The following TNIK variants were observed in gnomAD, a reference collection of about 807,000 sequenced individuals.
The protein encoded by TNIK is TRAF2 and NCK-interacting protein kinase.
In TNIK, 49 loss-of-function variants were observed where a neutral mutation model predicts 191.3. That is an observed-to-expected ratio of 0.26 (90% CI 0.20 to 0.32). The LOEUF (loss-of-function observed/expected upper bound fraction) is 0.32. Ranked by LOEUF, TNIK falls within the 10% of genes least tolerant of loss-of-function variation. The pLI is 1.00. For synonymous variants in TNIK, 594 were observed against 600.9 expected, an observed-to-expected ratio of 0.99 and a Z score of 0.17; for missense variants, 1,155 against 1,702.3, an observed-to-expected ratio of 0.68 and a Z score of 5.66.
At chr3:171,136,093 T>C (rs753073122) in intron 15 of TNIK, among the ~76,000 whole-genome samples, 14 of 152,168 alleles carry the variant, frequency 9.2e-5, no homozygotes, top group Non-Finnish European at 1.6e-4. Context: ...CTGGTACATT[T>C]GTGCATGAGG....
chr3:171,059,199 T>G lies in TNIK; in HGVS notation c.*4682A>C, dbSNP rs1249447454. 1.3e-5 allele frequency among the ~76,000 whole-genome samples: 2 copies of G among 152,220 alleles called. No individual in the cohort carries two copies. The highest frequency in any genetic ancestry group is 4.1e-4 in the South Asian group (2 of 4,834). On this transcript the variant is annotated 3_prime_UTR_variant, in exon 33 of 33. Coordinates refer to ENST00000436636, the MANE Select transcript of TNIK (RefSeq NM_015028.4). ...CACAAACTCAAAAATCTGTAAACTT[T>G]AGGACATTTTTATTTTTAACTGTAT...
intron 1 of TNIK, among the ~76,000 whole-genome samples, chr3:171,403,224 A>G (rs1721175114): frequency 3.9e-5 from 6 of 152,220 alleles, no homozygotes; most frequent in Admixed American, 3.9e-4. Flanking sequence ...GTGGCTAAAT[A>G]CGTTAAAGAG....
At chr3:171,204,596 CA>C (rs1213670657) in intron 4 of TNIK, among the ~76,000 whole-genome samples, 1 of 152,154 alleles carries the variant, frequency 6.6e-6, no homozygotes, top group African/African-American at 2.4e-5. Flanking sequence ...ATGACCTTTG[CA>C]ATTATTTGAT....
intron 2 of TNIK, among the ~76,000 whole-genome samples, chr3:171,252,081 CGT>C (rs1056985992): frequency 2.0e-5 from 3 of 150,236 alleles, no homozygotes; most frequent in Admixed American, 6.6e-5. Context: ...TGTGTGTGTG[CGT>C]GTGTGTGTGT....
chr3:171,423,137 T>C (rs1724047483), intron 1 of TNIK, among the ~76,000 whole-genome samples: 1 of 152,200 alleles, frequency 6.6e-6, no homozygotes, highest in African/African-American at 2.4e-5. Context: ...CAGCAAAGTC[T>C]CAGGGTACAA....
At chr3:171,438,731 T>C (rs979997906) in intron 1 of TNIK, among the ~76,000 whole-genome samples, 4 of 152,220 alleles carry the variant, frequency 2.6e-5, no homozygotes, top group Non-Finnish European at 5.9e-5. Flanking sequence ...GATATGTTTT[T>C]CATAAGAAAG....
intron 2 of TNIK, chr3:171,346,958 A>G: frequency 1.8e-6 from 1 of 543,554 alleles, no homozygotes; most frequent in Admixed American, 3.4e-5. Flanking sequence ...TTTTAATATG[A>G]CTTTACTGGC....
intron 28 of TNIK, 109 bp from the exon 29 acceptor site, chr3:171,071,432 G>T: frequency 1.2e-6 from 1 of 801,218 alleles, no homozygotes; most frequent in East Asian, 2.9e-5. Context: ...TATTGATGTT[G>T]GGTGTCAGCT....
chr3:171,437,982 C>T (rs756645158), intron 1 of TNIK, among the ~76,000 whole-genome samples: 5 of 152,180 alleles, frequency 3.3e-5, no homozygotes, highest in Admixed American at 1.3e-4. Context: ...TTCCTGTTAG[C>T]CACTGGGGAA....
At chr3:171,087,048 G>A (rs1014663181) in intron 24 of TNIK, among the ~76,000 whole-genome samples, 9 of 152,110 alleles carry the variant, frequency 5.9e-5, no homozygotes, top group Admixed American at 5.9e-4. Context: ...TCCCAGTTCT[G>A]GTCTTAGATC....
At chr3:171,228,107 C>T in intron 3 of TNIK, 58 bp downstream of exon 3, 1 of 1,581,652 alleles carries the variant, frequency 6.3e-7, no homozygotes. Flanking sequence ...GATGTGAACT[C>T]ATCATAAGTC....
At chr3:171,304,702 C>T (rs557609580) in intron 2 of TNIK, among the ~76,000 whole-genome samples, 1 of 152,104 alleles carries the variant, frequency 6.6e-6, no homozygotes, top group South Asian at 2.1e-4. Flanking sequence ...GAGTTCATGT[C>T]CTTTGTAGGG....
At chr3:171,092,815 C>A (rs898063943) in intron 23 of TNIK, among the ~76,000 whole-genome samples, 1 of 152,148 alleles carries the variant, frequency 6.6e-6, no homozygotes, top group Admixed American at 6.5e-5. Flanking sequence ...TTTTGGAGAG[C>A]AAAGTCTGCT....
chr3:171,429,992 G>A (rs566090998), intron 1 of TNIK, among the ~76,000 whole-genome samples: 1 of 152,184 alleles, frequency 6.6e-6, no homozygotes, highest in South Asian at 2.1e-4. Context: ...AAATTTTGGG[G>A]ACCCATCCCA....
chr3:171,138,331 G>C lies in TNIK; in HGVS notation c.1468C>G (p.Gln490Glu), dbSNP rs1730328257. The C allele has an allele frequency of 1.2e-6, 2 of 1,611,958 alleles. No homozygotes were observed. Among genetic ancestry groups the C allele is most frequent in the African/African-American group, 2.7e-5 (2 of 74,762 alleles). The change falls in exon 15 of 33, where the codon CAG (glutamine) becomes GAG (glutamate). Residue 490 changes from glutamine to glutamate, a missense_variant. This residue lies in a region of TNIK where 735 missense variants were observed against 848.0 expected (regional missense o/e 0.87). Transcript: ENST00000436636. ...TCTCTTTCTTGCTTTAGCTGCCTCT[G>C]CAGTCTTTCTGCTTGTCTCTGTTCT... ...LEEQRQAERL[Q>E]RQLKQERDYL...
At chr3:171,313,299 C>T (rs1754257369) in intron 2 of TNIK, among the ~76,000 whole-genome samples, 2 of 151,200 alleles carry the variant, frequency 1.3e-5, no homozygotes, top group African/African-American at 2.4e-5. Flanking sequence ...TTACACATAC[C>T]TAGAATCACA....
chr3:171,131,626 T>C (rs963471928), intron 15 of TNIK, among the ~76,000 whole-genome samples: 2 of 152,238 alleles, frequency 1.3e-5, no homozygotes, highest in African/African-American at 2.4e-5. Context: ...GGTTGAAGTT[T>C]GTCCAAAGAA....
intron 2 of TNIK, among the ~76,000 whole-genome samples, chr3:171,287,135 C>G (rs1751094591): frequency 6.6e-6 from 1 of 152,110 alleles, no homozygotes; most frequent in Non-Finnish European, 1.5e-5. Flanking sequence ...CAAGATTATT[C>G]TGGGTATTAT....
intron 4 of TNIK, among the ~76,000 whole-genome samples, chr3:171,207,565 G>A (rs116002300): frequency 7.8e-4 from 119 of 152,096 alleles, no homozygotes; most frequent in African/African-American, 2.8e-3. Context: ...CAGGATACCC[G>A]TTTTCCTTGA....
Sources: allele counts gnomAD v4.1 joint callset (sites outside exome capture counted in the v4.1 genomes callset), GRCh38; gene constraint gnomAD v4.1.1; regional missense constraint gnomAD v4.1.1; transcripts MANE v1.5; gene names NCBI Gene and HGNC (gene_info 2026-07-23, HGNC 2026-07-21).